Variants in GAS2 observed in about 807,000 individuals in gnomAD.
GAS2 encodes growth arrest specific 2.
In GAS2, 20 loss-of-function variants were observed where a neutral mutation model predicts 37.5. The observed-to-expected ratio is 0.53, with a 90% CI of 0.37 to 0.77. GAS2 has a LOEUF of 0.77. Ranked by LOEUF, GAS2 falls within the 30% of genes least tolerant of loss-of-function variation. The probability of loss-of-function intolerance (pLI) is 0.00; values close to 1 mark genes in which losing one functional copy is unlikely to be tolerated. For synonymous variants in GAS2, 144 were observed against 132.2 expected, an observed-to-expected ratio of 1.09 and a Z score of -0.61; for missense variants, 336 against 373.4, an observed-to-expected ratio of 0.90 and a Z score of 0.82.
At chr11:22,770,872 T>C (rs1854942637) in intron 7 of GAS2, among the ~76,000 whole-genome samples, 1 of 152,232 alleles carries the variant, frequency 6.6e-6, no homozygotes, top group Non-Finnish European at 1.5e-5. Flanking sequence ...TTCATGTACC[T>C]TTCTTCATTG....
At chr11:22,758,783 C>T (rs1372577995) in intron 7 of GAS2, among the ~76,000 whole-genome samples, 8 of 151,958 alleles carry the variant, frequency 5.3e-5, no homozygotes, top group South Asian at 2.1e-4. Flanking sequence ...CTTGGTGGCG[C>T]ATGCCTGTAT....
At chr11:22,720,715 T>A (rs935095207) in intron 3 of GAS2, among the ~76,000 whole-genome samples, 1 of 152,032 alleles carries the variant, frequency 6.6e-6, no homozygotes, top group African/African-American at 2.4e-5. Context: ...CATTTATGTA[T>A]CTCTTCTGTT....
upstream of GAS2, among the ~76,000 whole-genome samples, chr11:22,662,894 A>T (rs1848930949): frequency 2.0e-5 from 3 of 152,058 alleles, no homozygotes; most frequent in African/African-American, 7.2e-5. Context: ...AAAAAAAAAA[A>T]ATAAAAATAA....
Position 22,760,061 on chromosome 11 carries a change from G to T in GAS2, c.723+4108G>T, listed in dbSNP as rs369308889. Among the ~76,000 whole-genome samples, 8 of 152,194 alleles carry T rather than the reference G, an allele frequency of 5.3e-5. No homozygotes were observed. The East Asian group carries it at 7.7e-4, about 15-fold the overall frequency. Reference sequence around the variant, plus strand: ...CAACCTCCATCTCCCAGGTTCAAGCGATTCTTGTGACACAGCCTCCCAAGT... The same window carrying T: ...CAACCTCCATCTCCCAGGTTCAAGCTATTCTTGTGACACAGCCTCCCAAGT... On this transcript the variant is annotated intron_variant, in intron 7 of 7. Transcript: ENST00000454584.
chr11:22,635,904 G>C (rs1858814927), intron 1 of GAS2, among the ~76,000 whole-genome samples: 1 of 152,068 alleles, frequency 6.6e-6, no homozygotes, highest in African/African-American at 2.4e-5. Context: ...CCATGGCCTG[G>C]GGCAGGTTCC....
chr11:22,669,414 T>C (rs1849114663), intron 1 of GAS2, among the ~76,000 whole-genome samples: 1 of 152,168 alleles, frequency 6.6e-6, no homozygotes, highest in South Asian at 2.1e-4. Flanking sequence ...CCTAACAACA[T>C]GAAAATATAG....
At chr11:22,681,044 T>C (rs761235374) in intron 2 of GAS2, among the ~76,000 whole-genome samples, 1 of 152,214 alleles carries the variant, frequency 6.6e-6, no homozygotes, top group Admixed American at 6.5e-5. Context: ...ACTTGACATA[T>C]AATAAGAACT....
chr11:22,690,163 C>G (rs1356987185), intron 3 of GAS2, among the ~76,000 whole-genome samples: 1 of 151,934 alleles, frequency 6.6e-6, no homozygotes, highest in Non-Finnish European at 1.5e-5. Flanking sequence ...TAAGTTATGC[C>G]TGGTATGTGT....
chr11:22,736,287 A>C (rs891678103), intron 4 of GAS2, among the ~76,000 whole-genome samples: 1 of 151,998 alleles, frequency 6.6e-6, no homozygotes, highest in Non-Finnish European at 1.5e-5. Flanking sequence ...AGCAATTAAA[A>C]ATTCCCTAAC....
At chr11:22,708,328 C>A (rs1851227732) in intron 3 of GAS2, among the ~76,000 whole-genome samples, 2 of 152,050 alleles carry the variant, frequency 1.3e-5, no homozygotes, top group East Asian at 1.9e-4. Flanking sequence ...TTCATTGGCA[C>A]CCCGGACTAA....
At chr11:22,636,336 G>A (rs974676278) in intron 1 of GAS2, among the ~76,000 whole-genome samples, 1 of 152,102 alleles carries the variant, frequency 6.6e-6, no homozygotes, top group African/African-American at 2.4e-5. Context: ...AGGAAAAGAC[G>A]CTTTCACAAA....
chr11:22,782,739 A>T (rs76558876), intron 7 of GAS2, among the ~76,000 whole-genome samples: 22,848 of 146,762 alleles, frequency 0.16, 1,867 homozygotes, highest in East Asian at 0.17. Flanking sequence ...AAAAAAAAAA[A>T]AATAATAATA....
chr11:22,650,577 A>C (rs1195344089), intron 1 of GAS2, among the ~76,000 whole-genome samples: 5 of 146,984 alleles, frequency 3.4e-5, no homozygotes, highest in Admixed American at 2.0e-4. Context: ...GTCACTCAGG[A>C]CTTGCTTTAT....
chr11:22,796,708 T>A (rs560866138), intron 7 of GAS2, among the ~76,000 whole-genome samples: 1 of 152,258 alleles, frequency 6.6e-6, no homozygotes, highest in East Asian at 1.9e-4. Flanking sequence ...GACATCAGTT[T>A]GGAAACCATT....
intron 7 of GAS2, among the ~76,000 whole-genome samples, chr11:22,805,510 C>T (rs956009940): frequency 6.6e-6 from 1 of 152,060 alleles, no homozygotes; most frequent in Non-Finnish European, 1.5e-5. Flanking sequence ...TATCCTTTGA[C>T]TAACACCTTC....
chr11:22,654,417 T>C (rs1409842116), intron 1 of GAS2, among the ~76,000 whole-genome samples: 1 of 151,968 alleles, frequency 6.6e-6, no homozygotes, highest in East Asian at 1.9e-4. Context: ...CTTTTTCTTT[T>C]TTTTGTTTTG....
At chr11:22,772,622 TTG>T (rs1855040123) in intron 7 of GAS2, among the ~76,000 whole-genome samples, 1 of 152,074 alleles carries the variant, frequency 6.6e-6, no homozygotes, top group Admixed American at 6.6e-5. Context: ...GTAATGGAGT[TTG>T]TGTGATAGTT....
At chr11:22,660,680 T>C (rs1445783477) in intron 1 of GAS2, among the ~76,000 whole-genome samples, 1 of 152,234 alleles carries the variant, frequency 6.6e-6, no homozygotes, top group African/African-American at 2.4e-5. Context: ...ATATTACAAA[T>C]TTACTATGCC....
At chr11:22,653,749 C>T (rs1298072265) in intron 1 of GAS2, among the ~76,000 whole-genome samples, 2 of 152,266 alleles carry the variant, frequency 1.3e-5, no homozygotes, top group Middle Eastern at 3.4e-3. Flanking sequence ...CAGTTTTAAA[C>T]GTGGCTTCAG....
Sources: allele counts gnomAD v4.1 joint callset (sites outside exome capture counted in the v4.1 genomes callset), GRCh38; gene constraint gnomAD v4.1.1; transcripts MANE v1.5; gene names NCBI Gene and HGNC (gene_info 2026-07-23, HGNC 2026-07-21).